Variants in CLVS1 observed in about 807,000 individuals in gnomAD.
The protein encoded by CLVS1 is clavesin-1.
A neutral mutation model predicts 33.1 loss-of-function variants in CLVS1; 10 were observed. The observed-to-expected ratio is 0.30, with a 90% CI of 0.19 to 0.51. The LOEUF (loss-of-function observed/expected upper bound fraction) is 0.51, where lower values mean the gene tolerates loss of function less well. Among genes scored for constraint, CLVS1 ranks in the 20% least tolerant of loss-of-function variants. The pLI, the probability that CLVS1 is intolerant of heterozygous loss-of-function variation, is 0.97. For synonymous variants in CLVS1, 163 were observed against 166.1 expected (o/e 0.98, Z 0.14); for missense variants, 343 against 433.4 (o/e 0.79, Z 1.85).
intron 2 of CLVS1, among the ~76,000 whole-genome samples, chr8:61,167,647 C>G (rs1465328933): frequency 6.6e-6 from 1 of 152,198 alleles, no homozygotes; most frequent in African/African-American, 2.4e-5. Flanking sequence ...CTGAAACTTA[C>G]TGGGCTGCAA....
chr8:61,286,184 CTG>C (rs1219709877), upstream of CLVS1, among the ~76,000 whole-genome samples: 1 of 152,032 alleles, frequency 6.6e-6, no homozygotes, highest in East Asian at 1.9e-4. Context: ...CTAAGTGAGA[CTG>C]TGTTCTACTT....
At chr8:61,265,460 T>A (rs1459579751) in intron 2 of CLVS1, among the ~76,000 whole-genome samples, 1 of 152,256 alleles carries the variant, frequency 6.6e-6, no homozygotes, top group Non-Finnish European at 1.5e-5. Context: ...TAATACTACC[T>A]ATTTCTTTGA....
intron 2 of CLVS1, among the ~76,000 whole-genome samples, chr8:61,149,980 A>C (rs1328262649): frequency 6.6e-6 from 1 of 152,084 alleles, no homozygotes; most frequent in Non-Finnish European, 1.5e-5. Context: ...GGGTGAGGGG[A>C]AGAGGTGAGA....
intron 2 of CLVS1, among the ~76,000 whole-genome samples, chr8:61,340,158 A>G (rs1365198088): frequency 6.6e-6 from 1 of 152,230 alleles, no homozygotes; most frequent in Non-Finnish European, 1.5e-5. Context: ...TTAGGAGAGG[A>G]GAAAGTTAAC....
At chr8:61,318,408 G>C (rs183770574) in intron 2 of CLVS1, among the ~76,000 whole-genome samples, 1 of 152,166 alleles carries the variant, frequency 6.6e-6, no homozygotes, top group Non-Finnish European at 1.5e-5. Flanking sequence ...CTAGATACCA[G>C]GAATACAGAG....
At chr8:61,393,675 C>T (rs910577450) in intron 3 of CLVS1, among the ~76,000 whole-genome samples, 1 of 152,124 alleles carries the variant, frequency 6.6e-6, no homozygotes, top group Non-Finnish European at 1.5e-5. Context: ...TGTTATTTCC[C>T]TTCTGGGTCT....
chr8:61,053,182 G>C (rs759779626), upstream of CLVS1, among the ~76,000 whole-genome samples: 24 of 152,284 alleles, frequency 1.6e-4, no homozygotes, highest in Middle Eastern at 3.4e-3. Flanking sequence ...TAAATGGAGG[G>C]GTGGAGTCTG....
intron 3 of CLVS1, among the ~76,000 whole-genome samples, chr8:61,421,450 C>T (rs1815661323): frequency 6.6e-6 from 1 of 152,216 alleles, no homozygotes; most frequent in African/African-American, 2.4e-5. Flanking sequence ...TAGAGCCATC[C>T]TCCACCTACA....
chr8:61,257,084 A>G (rs1303082528), intron 2 of CLVS1, among the ~76,000 whole-genome samples: 6 of 152,240 alleles, frequency 3.9e-5, no homozygotes, highest in Non-Finnish European at 8.8e-5. Flanking sequence ...ATCGATCATA[A>G]CACATACATT....
At chr8:61,264,865 A>G (rs1809274514) in intron 2 of CLVS1, 2 of 152,214 alleles carry the variant, frequency 1.3e-5, no homozygotes, top group South Asian at 4.1e-4. Flanking sequence ...AACAACTCAG[A>G]GACATACGTT....
At position 61,415,779 on chromosome 8, in the gene CLVS1, A is replaced by C. The variant is rs545323432; in HGVS notation, c.631-38362A>C. Among the ~76,000 whole-genome samples, 3 of 152,344 alleles carry C rather than the reference A, an allele frequency of 2.0e-5. No homozygotes were observed. The South Asian group carries it at 6.2e-4, about 32-fold the overall frequency. On this transcript the variant is annotated intron_variant, in intron 3 of 5. Transcript: ENST00000325897. ...GAGATGAAGTTAATTGCACATGTGT[A>C]ATTAACAAGGGAACAGACTAGTGAT...
Position 61,203,123 on chromosome 8 carries a change from C to T in CLVS1, c.-152+71263C>T. 4.1e-6 allele frequency: 5 copies of T among 1,221,706 alleles called. No individual in the cohort carries two copies. In the South Asian group the frequency reaches 4.8e-5, roughly 12 times the overall value. The allele number at this position is 1,221,706 out of a possible 1,614,324, so 75.7% of individuals were successfully genotyped here. A position where few individuals can be genotyped will look rare whatever the true frequency, so the allele number is the denominator to read the frequency against. The stretch of plus-strand genomic sequence containing the variant: ...AGCAAGTATAGAAAAAGGTGGTTCT[C>T]TTCCCAAAGTGGAAGCCAAGTTCAT... On this transcript the variant is annotated intron_variant, in intron 2 of 2. Coordinates refer to the CLVS1 transcript ENST00000522621.
chr8:61,356,220 A>C (rs1436073632), intron 2 of CLVS1, among the ~76,000 whole-genome samples: 4 of 151,970 alleles, frequency 2.6e-5, no homozygotes, highest in Admixed American at 6.6e-5. Flanking sequence ...TTCTTTTGAG[A>C]AGTGTCTGTT....
chr8:61,170,397 C>T (rs1182268375), intron 2 of CLVS1, among the ~76,000 whole-genome samples: 1 of 152,136 alleles, frequency 6.6e-6, no homozygotes, highest in Non-Finnish European at 1.5e-5. Context: ...TAATATTGGG[C>T]ACTCACTCTG....
At chr8:61,362,141 A>G (rs560903585) in intron 2 of CLVS1, among the ~76,000 whole-genome samples, 2 of 152,302 alleles carry the variant, frequency 1.3e-5, no homozygotes, top group Middle Eastern at 6.8e-3. Flanking sequence ...CCTACTCAGG[A>G]AAAGGGCTCA....
At chr8:61,040,689 T>C in the CLVS1 span, among the ~76,000 whole-genome samples, 4 of 152,196 alleles carry the variant, frequency 2.6e-5, no homozygotes, top group Non-Finnish European at 5.9e-5. Flanking sequence ...TGGGGTTATC[T>C]TGTTGAGTTG....
intron 2 of CLVS1, 118 bp downstream of exon 2, chr8:61,300,400 C>A: frequency 1.0e-6 from 1 of 957,500 alleles, no homozygotes; most frequent in Non-Finnish European, 1.5e-6. Context: ...TTCACATGTT[C>A]ACCAAGGAAG....
chr8:61,010,235 T>C, the CLVS1 span, among the ~76,000 whole-genome samples: 37 of 152,310 alleles, frequency 2.4e-4, no homozygotes, highest in Non-Finnish European at 4.6e-4. Flanking sequence ...ACAGAAAATA[T>C]CTTGCACTGT....
rs574897098 is a variant in CLVS1, at chr8:61,095,805, A to G, written c.-242-35965A>G. Among the ~76,000 whole-genome samples the G allele has an allele frequency of 5.9e-5, 9 of 152,310 alleles. No homozygotes were observed. In the South Asian group the frequency reaches 1.4e-3, roughly 25 times the overall value. ...TTAAGACGTTTATCCTGTTAGTCAG[A>G]TATCTTTTTTTATGTAGTTCATGAA... On this transcript the variant is annotated intron_variant, in intron 1 of 2. Coordinates refer to the CLVS1 transcript ENST00000522621.
Sources: gnomAD v4.1 joint callset for allele counts (sites outside exome capture counted in the v4.1 genomes callset) on GRCh38, gnomAD v4.1.1 for gene constraint, MANE v1.5 for transcripts, NCBI Gene and HGNC (gene_info 2026-07-23, HGNC 2026-07-21) for gene names.